PTCH2: variants seen among roughly 807,000 people sequenced by gnomAD.
The protein encoded by PTCH2 is patched 2, also known as protein patched homolog 2.
PTCH2 carries 96 observed loss-of-function variants against 117.9 expected under a neutral mutation model. That is an observed-to-expected ratio of 0.81 (90% CI 0.69 to 0.96). PTCH2 has a LOEUF of 0.96. Among genes scored for constraint, PTCH2 ranks in the 50% least tolerant of loss-of-function variants. PTCH2 has a pLI of 0.00. For missense variants in PTCH2, 1,379 were observed against 1,562.5 expected (o/e 0.88, Z 1.98); for synonymous variants, 615 against 660.9 (o/e 0.93, Z 1.06).
chr1:44,832,423 C>A lies in PTCH2; in HGVS notation c.266-82G>T. Reference sequence around the variant, plus strand: ...GGGAAGGGGGCTTCTAACTCTGAGGCCTCCCCAGACAAGTGGGAGAGGTGC... The same window carrying A: ...GGGAAGGGGGCTTCTAACTCTGAGGACTCCCCAGACAAGTGGGAGAGGTGC... On this transcript the variant is annotated intron_variant, in intron 2 of 21. Transcript: ENST00000372192. The A allele has an allele frequency of 2.1e-6, 3 of 1,420,836 alleles. No homozygotes were observed. In the South Asian group the frequency reaches 3.5e-5, roughly 16 times the overall value. The allele number at this position is 1,420,836 out of a possible 1,614,324, so 88.0% of individuals were successfully genotyped here.
chr1:44,820,443 C>T (rs1164799959), downstream of PTCH2: 2 of 677,982 alleles, frequency 2.9e-6, no homozygotes, highest in Non-Finnish European at 5.4e-6. Context: ...GGGAAACAGA[C>T]GGGCACAGAC....
Position 44,829,274 on chromosome 1 carries a change from G to A in PTCH2, c.1254C>T (p.Cys418=), listed in dbSNP as rs751031034. ...GGCCCACGGAACCCTGGGACTGGGC[G>A]CAGTCCCACCGCAGCATGGTCACAC... ...YACVTMLRWD[C]AQSQGSVGLA... Residue 418 remains cysteine (C), a synonymous_variant, in exon 10 of 22, where the codon TGC becomes TGT. Coordinates refer to ENST00000372192, the MANE Select transcript of PTCH2 (RefSeq NM_003738.5). The A allele has an allele frequency of 6.2e-6, 10 of 1,613,358 alleles. No homozygotes were observed. Among genetic ancestry groups the A allele is most frequent in the East Asian group, 2.2e-5 (1 of 44,898 alleles).
rs11573590 is a variant in PTCH2 at position 44,826,501 on chromosome 1, G to A, written c.2963C>T (p.Thr988Met). Residue 988 changes from threonine (T) to methionine (M), a missense_variant, in exon 18 of 22, where the codon ACG (threonine) becomes ATG (methionine). By Grantham distance (81) the Thr-to-Met change is moderately conservative (BLOSUM62 -1). Coordinates refer to ENST00000372192, the MANE Select transcript of PTCH2 (RefSeq NM_003738.5). The surrounding 1 kb of genome is among the most constrained non-coding windows in gnomAD (Gnocchi z 5.1). Reference protein sequence around the residue: ...VCALLLLNPWTAGLIVLVLAM... With the variant: ...VCALLLLNPWMAGLIVLVLAM... ...GCAAGCACTCACTATGAGGCCAGCC[G>A]TCCAGGGGTTGAGGAGCAGCAGAGC... The A allele has an allele frequency of 0.03, 48,198 of 1,613,816 alleles. 1,433 individuals carry two copies. The highest frequency in any genetic ancestry group is 0.15 in the East Asian group (6,887 of 44,872).
rs1393241791 is a variant in PTCH2, at chr1:44,830,993, T to C, written c.668A>G (p.Glu223Gly). ...WTNLDPEQLL[E>G]ELGPFASLEG... Reference sequence around the variant, plus strand: ...AAGGGAGGCAAAGGGACCCAGCTCCTCCAGCAGCTGCTCTGGATCCAGGTT... The same window carrying C: ...AAGGGAGGCAAAGGGACCCAGCTCCCCCAGCAGCTGCTCTGGATCCAGGTT... Residue 223 changes from glutamate to glycine, a missense_variant, in exon 6 of 22, where the codon GAG becomes GGG. Transcript: ENST00000372192. The C allele has an allele frequency of 6.2e-7, 1 of 1,612,376 alleles. No individual in the cohort carries two copies. Among genetic ancestry groups the C allele is most frequent in the East Asian group, 2.2e-5 (1 of 44,870 alleles).
At position 44,829,051 on chromosome 1, in the gene PTCH2, T is replaced by C. The variant is rs375606003; in HGVS notation, c.1395A>G (p.Gly465=). Residue 465 remains glycine, a synonymous_variant, in exon 11 of 22, where the codon GGA becomes GGG. Coordinates refer to ENST00000372192, the MANE Select transcript of PTCH2 (RefSeq NM_003738.5). ...TTQVLPFLAL[G]IGVDDVFLLA... ...GCAGGAATACGTCATCCACGCCGAT[T>C]CCCAGAGCCAAGAAGGGCAGCACCT... The C allele has an allele frequency of 6.8e-6, 11 of 1,606,826 alleles. No individual in the cohort carries two copies. In the African/African-American group the frequency reaches 1.3e-4, roughly 20 times the overall value.
chr1:44,832,580 T>C lies in PTCH2; in HGVS notation c.266-239A>G, dbSNP rs11573570. Among the ~76,000 whole-genome samples, 5,159 of 152,288 alleles carry C rather than the reference T, an allele frequency of 0.034. 139 individuals are homozygous for C. The highest frequency in any genetic ancestry group is 0.061 in the Middle Eastern group (18 of 294). ...GTTGTGTGGCTCTGCGGATTTCTTG[T>C]GTGGTCTAGGGCTTAAGCATGAACC... is the stretch of plus-strand genomic sequence containing the variant. On this transcript the variant is annotated intron_variant, in intron 2 of 21. Coordinates refer to ENST00000372192, the MANE Select transcript of PTCH2 (RefSeq NM_003738.5).
Position 44,823,268 on chromosome 1 carries a change from C to T in PTCH2, c.3232G>A (p.Gly1078Ser). ...STLLGLLMLAGSHFDFIVRYF... is the reference protein window; with the variant it reads ...STLLGLLMLASSHFDFIVRYF... ...CTTACAATGAAGTCAAAGTGGGAAC[C>T]AGCAAGCATGAGCAGACCCAGCAAT... The change falls in exon 20 of 22, where the codon GGT becomes AGT. Residue 1078 changes from glycine (G) to serine (S), a missense_variant. Physicochemically the swap from Gly to Ser is moderately conservative, Grantham distance 56. Transcript: ENST00000372192. This position sits in a 1 kb window ranked among gnomAD's most constrained non-coding sequence, Gnocchi z 5.1. 6.2e-7 allele frequency: 1 copy of T among 1,614,232 alleles called. No individual in the cohort carries two copies. The highest frequency in any genetic ancestry group is 8.5e-7 in the Non-Finnish European group (1 of 1,180,046).
Position 44,823,251 on chromosome 1 carries a change from G to A in PTCH2, c.3249C>T (p.Phe1083=). 1 of 1,614,240 alleles carries A rather than the reference G, an allele frequency of 6.2e-7. No individual in the cohort carries two copies. The highest frequency in any genetic ancestry group is 2.2e-5 in the East Asian group (1 of 44,878). ...CCCCGAGCCCTCCCTACCTTACAATGAAGTCAAAGTGGGAACCAGCAAGCA... is the reference window on the plus strand; with the variant it reads ...CCCCGAGCCCTCCCTACCTTACAATAAAGTCAAAGTGGGAACCAGCAAGCA... ...LLMLAGSHFD[F]IVRYFFAALT... is the part of the protein sequence containing the mutation. The change falls in exon 20 of 22, where the codon TTC becomes TTT. Residue 1083 remains phenylalanine, a synonymous_variant. Coordinates refer to ENST00000372192, the MANE Select transcript of PTCH2 (RefSeq NM_003738.5). The surrounding 1 kb of genome is among the most constrained non-coding windows in gnomAD (Gnocchi z 5.1).
Position 44,828,136 on chromosome 1 carries a change from C to T in PTCH2, c.1765G>A (p.Val589Ile). Residue 589 changes from valine (V) to isoleucine (I), a missense_variant, in exon 14 of 22, where the codon GTA becomes ATA. Transcript: ENST00000372192. ...GTGAGGTGGGCAATGCCCACTGGTA[C>T]TGTCCCGTCCCCCAGCTCCTGGGGC... ...ILPQELGDGT[V>I]PVGIAHLTAT... The T allele has an allele frequency of 6.2e-7, 1 of 1,614,002 alleles. No homozygotes were observed. The highest frequency in any genetic ancestry group is 8.5e-7 in the Non-Finnish European group (1 of 1,180,038).
chr1:44,835,484 A>T (rs1653645224), intron 2 of PTCH2, among the ~76,000 whole-genome samples: 1 of 152,236 alleles, frequency 6.6e-6, no homozygotes, highest in Non-Finnish European at 1.5e-5. Context: ...CAATTTAGCA[A>T]AAATTTTAAA....
intron 2 of PTCH2, among the ~76,000 whole-genome samples, chr1:44,835,955 T>G (rs1320582615): frequency 2.0e-5 from 3 of 152,132 alleles, no homozygotes; most frequent in Admixed American, 6.5e-5. Context: ...TTATATTTGA[T>G]TTTACAGAAT....
intron 2 of PTCH2, among the ~76,000 whole-genome samples, chr1:44,839,816 G>T (rs1653861322): frequency 6.6e-6 from 1 of 152,088 alleles, no homozygotes; most frequent in Non-Finnish European, 1.5e-5. Flanking sequence ...GTATATGGAT[G>T]TGAGAGTCTG....
At position 44,831,129 on chromosome 1, in the gene PTCH2, C is replaced by T; in HGVS notation, c.618-86G>A. 2 of 1,323,914 alleles carry T rather than the reference C, an allele frequency of 1.5e-6. No individual in the cohort carries two copies. Among genetic ancestry groups the T allele is most frequent in the Non-Finnish European group, 2.1e-6 (2 of 950,148 alleles). 82.0% of individuals were successfully genotyped at this position (1,323,914 alleles called of 1,614,324 possible). A position where few individuals can be genotyped will look rare whatever the true frequency, so the allele number is the denominator to read the frequency against. On this transcript the variant is annotated intron_variant, in intron 5 of 21. Coordinates refer to ENST00000372192, the MANE Select transcript of PTCH2 (RefSeq NM_003738.5). This position sits in a 1 kb window ranked among gnomAD's most constrained non-coding sequence, Gnocchi z 4.3. Reference sequence around the variant, plus strand: ...GCTGGGGCGCCATGCTGTACCCCACCCTCCTCTTATCTGCCGATTTGTCCT... The same window carrying T: ...GCTGGGGCGCCATGCTGTACCCCACTCTCCTCTTATCTGCCGATTTGTCCT...
chr1:44,831,592 G>A lies in PTCH2; in HGVS notation c.617+114C>T. On this transcript the variant is annotated intron_variant, in intron 5 of 21. Transcript: ENST00000372192. The surrounding 1 kb of genome is among the most constrained non-coding windows in gnomAD (Gnocchi z 4.3). ...GCCCATGCTCTCTGTTCCTGGCCTGGGAGGTAATTAGGACCTTGGTAAGGT... is the reference window on the plus strand; with the variant it reads ...GCCCATGCTCTCTGTTCCTGGCCTGAGAGGTAATTAGGACCTTGGTAAGGT... 9.6e-7 allele frequency: 1 copy of A among 1,039,400 alleles called. No homozygotes were observed. The allele number at this position is 1,039,400 out of a possible 1,614,324, so 64.4% of individuals were successfully genotyped here. A position where few individuals can be genotyped will look rare whatever the true frequency, so the allele number is the denominator to read the frequency against.
In PTCH2 at chr1:44,827,315, G is replaced by A. The variant is rs556400530; in HGVS notation, c.2372-6C>T. 2.5e-6 allele frequency: 4 copies of A among 1,613,818 alleles called. No homozygotes were observed. The highest frequency in any genetic ancestry group is 3.4e-6 in the Non-Finnish European group (4 of 1,180,014). ...GTCAAAGGCAGCCTGGATTCCTGGG[G>A]GAGACCAGGATAGGGTTCTATTAGC... On this transcript the variant is annotated splice_region_variant and splice_polypyrimidine_tract_variant and intron_variant, in intron 15 of 21. Coordinates refer to ENST00000372192, the MANE Select transcript of PTCH2 (RefSeq NM_003738.5).
At chr1:44,835,082 T>G (rs1653626968) in intron 2 of PTCH2, among the ~76,000 whole-genome samples, 1 of 152,150 alleles carries the variant, frequency 6.6e-6, no homozygotes, top group African/African-American at 2.4e-5. Context: ...ACTTGTCTCT[T>G]TTTTTTGAGA....
chr1:44,842,939 G>A lies in PTCH2; in HGVS notation c.-7C>T. On this transcript the variant is annotated 5_prime_UTR_variant, in exon 1 of 22. Coordinates refer to ENST00000372192, the MANE Select transcript of PTCH2 (RefSeq NM_003738.5). ...GGGGCGGCGATCGAGTCATGCTGGC[G>A]GGGATGGGGGGCGCGGGCGCCCCCA... The A allele has an allele frequency of 6.5e-7, 1 of 1,537,608 alleles. No individual in the cohort carries two copies. Among genetic ancestry groups the A allele is most frequent in the Middle Eastern group, 2.0e-4 (1 of 5,030 alleles).
At chr1:44,824,510 T>C (rs1653058061) in intron 19 of PTCH2, among the ~76,000 whole-genome samples, 2 of 151,856 alleles carry the variant, frequency 1.3e-5, no homozygotes, top group African/African-American at 4.8e-5. Flanking sequence ...ATTTTTTTTT[T>C]TTTTTGAGAC....
rs2148871260 is a variant in PTCH2 at position 44,822,615 on chromosome 1, C to T, written c.3412G>A (p.Gly1138Arg). ...GATGCCCCCCACCTAAGCCCGCCTCCCTGTGGAGCTGGTGGACTCAGGATC... is the reference window on the plus strand; with the variant it reads ...GATGCCCCCCACCTAAGCCCGCCTCTCTGTGGAGCTGGTGGACTCAGGATC... ...PEILSPPAPQ[G>R]GGLRWGASSS... Residue 1138 changes from glycine (G) to arginine (R), a missense_variant, in exon 22 of 22, where the codon GGA becomes AGA. Transcript: ENST00000372192. 5 of 1,614,030 alleles carry T rather than the reference C, an allele frequency of 3.1e-6. No individual in the cohort carries two copies. Among genetic ancestry groups the T allele is most frequent in the Non-Finnish European group, 3.4e-6 (4 of 1,179,948 alleles).
Sources: allele counts gnomAD v4.1 joint callset (sites outside exome capture counted in the v4.1 genomes callset), GRCh38; gene constraint gnomAD v4.1.1; non-coding constraint Gnocchi (gnomAD v3.1); transcripts MANE v1.5; gene names NCBI Gene and HGNC (gene_info 2026-07-23, HGNC 2026-07-21).